CDYL2: variants seen among roughly 807,000 people sequenced by gnomAD.
The protein encoded by CDYL2 is chromodomain Y-like protein 2.
A neutral mutation model predicts 49.4 loss-of-function variants in CDYL2; 23 were observed. The observed-to-expected ratio is 0.47, with a 90% CI of 0.34 to 0.66. CDYL2 has a LOEUF of 0.66. Ranked by LOEUF, CDYL2 falls within the 30% of genes least tolerant of loss-of-function variation. The probability of loss-of-function intolerance (pLI) is 0.01; values close to 1 mark genes in which losing one functional copy is unlikely to be tolerated. For missense variants in CDYL2, 678 were observed against 656.4 expected, an observed-to-expected ratio of 1.03 and a Z score of -0.36; for synonymous variants, 360 against 268.8, an observed-to-expected ratio of 1.34 and a Z score of -3.32.
chr16:80,614,180 G>A (rs1370232935), intron 4 of CDYL2, among the ~76,000 whole-genome samples: 2 of 152,248 alleles, frequency 1.3e-5, no homozygotes, highest in African/African-American at 4.8e-5. Flanking sequence ...CTGCAGAGGT[G>A]TGGCAATGGT....
intron 1 of CDYL2, among the ~76,000 whole-genome samples, chr16:80,705,913 T>C (rs962612894): frequency 1.8e-4 from 28 of 152,266 alleles, no homozygotes; most frequent in African/African-American, 6.8e-4. Context: ...ATAAACATCA[T>C]AAAATCTTTC....
At chr16:80,802,747 C>T (rs1907964331) in intron 1 of CDYL2, among the ~76,000 whole-genome samples, 1 of 152,204 alleles carries the variant, frequency 6.6e-6, no homozygotes, top group Non-Finnish European at 1.5e-5. Flanking sequence ...GTGCTCCTTT[C>T]TCCATTCTTC....
intron 2 of CDYL2, chr16:80,639,707 C>T (rs1907995004): frequency 4.4e-6 from 2 of 455,834 alleles, no homozygotes; most frequent in South Asian, 3.1e-5. Context: ...GAAAGAAGCA[C>T]CGAAGAGGTA....
intron 1 of CDYL2, among the ~76,000 whole-genome samples, chr16:80,737,561 T>TTGTTGCTGC (rs1461646605): frequency 6.6e-6 from 1 of 152,158 alleles, no homozygotes. Context: ...GCCTGGACTG[T>TTGTTGCTGC]TGTTGCTGCT....
chr16:80,742,011 G>A (rs988481498), intron 1 of CDYL2: 3 of 152,174 alleles, frequency 2.0e-5, no homozygotes, highest in African/African-American at 7.2e-5. Flanking sequence ...GCACTTACTA[G>A]GCACAGTTCT....
intron 2 of CDYL2, among the ~76,000 whole-genome samples, chr16:80,676,374 G>A (rs914798573): frequency 1.3e-5 from 2 of 152,178 alleles, no homozygotes; most frequent in Non-Finnish European, 2.9e-5. Flanking sequence ...GAACAGCTGG[G>A]CTCAGGGAAG....
At chr16:80,720,745 T>A (rs532195117) in intron 1 of CDYL2, among the ~76,000 whole-genome samples, 22 of 152,168 alleles carry the variant, frequency 1.4e-4, no homozygotes, top group Non-Finnish European at 2.2e-4. Context: ...ATTATTACTT[T>A]CATTCAGCAG....
At chr16:80,731,688 A>C (rs887641221) in intron 1 of CDYL2, among the ~76,000 whole-genome samples, 1 of 152,178 alleles carries the variant, frequency 6.6e-6, no homozygotes, top group South Asian at 2.1e-4. Context: ...AATCTTTCAA[A>C]ATCTTAACAA....
At chr16:80,718,678 C>G (rs1012984651) in intron 1 of CDYL2, among the ~76,000 whole-genome samples, 5 of 152,318 alleles carry the variant, frequency 3.3e-5, no homozygotes, top group Middle Eastern at 3.4e-3. Flanking sequence ...TAACCTGACA[C>G]TCAAGGCCAC....
chr16:80,716,245 C>G (rs1904794702), intron 1 of CDYL2, among the ~76,000 whole-genome samples: 1 of 152,266 alleles, frequency 6.6e-6, no homozygotes, highest in Admixed American at 6.5e-5. Flanking sequence ...ATGCTATTTC[C>G]TTCCAAGTAC....
At chr16:80,680,542 C>A (rs372360532) in intron 2 of CDYL2, among the ~76,000 whole-genome samples, 2 of 152,154 alleles carry the variant, frequency 1.3e-5, no homozygotes, top group Non-Finnish European at 2.9e-5. Flanking sequence ...TTCACCAAGG[C>A]AGAACCACAG....
chr16:80,610,631 A>T (rs922481348), intron 5 of CDYL2, among the ~76,000 whole-genome samples: 1 of 152,088 alleles, frequency 6.6e-6, no homozygotes, highest in Non-Finnish European at 1.5e-5. Flanking sequence ...ACATAAACAG[A>T]GTTTAGTCAC....
intron 1 of CDYL2, among the ~76,000 whole-genome samples, chr16:80,704,689 C>G (rs938078414): frequency 2.0e-5 from 3 of 152,156 alleles, no homozygotes; most frequent in African/African-American, 7.2e-5. Context: ...GGGAGGAGCT[C>G]AGGGAGAAGG....
chr16:80,719,888 TC>T (rs1904941170), intron 1 of CDYL2, among the ~76,000 whole-genome samples: 1 of 152,172 alleles, frequency 6.6e-6, no homozygotes, highest in African/African-American at 2.4e-5. Flanking sequence ...CTACCTGCTG[TC>T]CAACCCTGGC....
intron 3 of CDYL2, among the ~76,000 whole-genome samples, chr16:80,624,102 G>T (rs1429528802): frequency 1.3e-5 from 2 of 152,132 alleles, no homozygotes; most frequent in Non-Finnish European, 2.9e-5. Context: ...CAACCTTGCA[G>T]CAACACTGCG....
At chr16:80,657,518 G>T (rs1005440653) in intron 2 of CDYL2, among the ~76,000 whole-genome samples, 6 of 152,086 alleles carry the variant, frequency 3.9e-5, no homozygotes, top group African/African-American at 1.4e-4. Context: ...CCCTTAAATA[G>T]AAGAAATGGC....
chr16:80,669,142 T>A (rs906218567), intron 2 of CDYL2, among the ~76,000 whole-genome samples: 5 of 152,014 alleles, frequency 3.3e-5, no homozygotes, highest in African/African-American at 4.8e-5. Context: ...GATTTTTTTT[T>A]AAGTATTAAC....
At chr16:80,785,019 G>A (rs528440716) in intron 1 of CDYL2, among the ~76,000 whole-genome samples, 1 of 152,244 alleles carries the variant, frequency 6.6e-6, no homozygotes, top group South Asian at 2.1e-4. Context: ...AAGAAAACGG[G>A]GAGTGGTGTT....
At chr16:80,766,455 T>G (rs1906729341) in intron 1 of CDYL2, among the ~76,000 whole-genome samples, 1 of 152,186 alleles carries the variant, frequency 6.6e-6, no homozygotes, top group Non-Finnish European at 1.5e-5. Flanking sequence ...TTGACCAATA[T>G]TCAATGAAAA....
Sources: allele counts gnomAD v4.1 joint callset (sites outside exome capture counted in the v4.1 genomes callset), GRCh38; gene constraint gnomAD v4.1.1; transcripts MANE v1.5; gene names NCBI Gene and HGNC (gene_info 2026-07-23, HGNC 2026-07-21).